Variants in ADAM10 observed in about 807,000 individuals in gnomAD.
ADAM10 encodes the protein ADAM metallopeptidase domain 10.
In ADAM10, 17 loss-of-function variants were observed where a neutral mutation model predicts 90.1. The observed-to-expected ratio is 0.19, with a 90% CI of 0.13 to 0.28. ADAM10 has a LOEUF of 0.28. Ranked by LOEUF, ADAM10 falls within the 10% of genes least tolerant of loss-of-function variation. The probability of loss-of-function intolerance (pLI) is 1.00; values close to 1 mark genes in which losing one functional copy is unlikely to be tolerated. For missense variants in ADAM10, 610 were observed against 914.3 expected (o/e 0.67, Z 4.29); for synonymous variants, 310 against 298.6 (o/e 1.04, Z -0.40).
chr15:58,628,622 G>C (rs1317649706), intron 9 of ADAM10, among the ~76,000 whole-genome samples: 4 of 152,074 alleles, frequency 2.6e-5, no homozygotes, highest in Non-Finnish European at 2.9e-5. Context: ...CCAAGCAACA[G>C]AACACTACTA....
chr15:58,610,783 G>A, intron 13 of ADAM10: 1 of 633,938 alleles, frequency 1.6e-6, no homozygotes, highest in Non-Finnish European at 2.8e-6. Flanking sequence ...CTGCTGTAAA[G>A]CTGGCAACGT....
intron 2 of ADAM10, among the ~76,000 whole-genome samples, chr15:58,688,778 ATATATATATC>A (rs1485145399): frequency 1.1e-4 from 14 of 132,152 alleles, no homozygotes; most frequent in African/African-American, 4.3e-4. Context: ...ATATATATAT[ATATATATATC>A]TCTCTCTCTC....
intron 11 of ADAM10, among the ~76,000 whole-genome samples, chr15:58,620,187 C>T (rs1174224046): frequency 4.6e-5 from 7 of 152,026 alleles, no homozygotes; most frequent in Non-Finnish European, 1.0e-4. Flanking sequence ...TTGAACTGGC[C>T]GGGTGCGGTG....
chr15:58,683,415 C>A (rs889637874), intron 2 of ADAM10, among the ~76,000 whole-genome samples: 9 of 152,092 alleles, frequency 5.9e-5, no homozygotes, highest in African/African-American at 1.9e-4. Context: ...TAAGTTGGTA[C>A]AATCTCTATG....
rs1247117926 is a variant in ADAM10 at position 58,640,932 on chromosome 15, G to A, written c.857C>T (p.Pro286Leu). 1.2e-6 allele frequency: 2 copies of A among 1,614,012 alleles called. No individual in the cohort carries two copies. Among genetic ancestry groups the A allele is most frequent in the Non-Finnish European group, 1.7e-6 (2 of 1,179,944 alleles). The change falls in exon 8 of 16, where the codon CCT (proline) becomes CTT (leucine). Residue 286 changes from proline (P) to leucine (L), a missense_variant. Physicochemically the swap from Pro to Leu is moderately conservative, Grantham distance 98. Transcript: ENST00000260408. ...RINTTADEKD[P>L]TNPFRFPNIG... is the part of the protein sequence containing the mutation. ...ATTTGGGAAACGGAAAGGATTTGTA[G>A]GGTCCTTCTCATCAGCAGTTGTATT... is the stretch of plus-strand genomic sequence containing the variant.
chr15:58,692,430 ATCC>A (rs1897848160), intron 2 of ADAM10: 1 of 549,284 alleles, frequency 1.8e-6, no homozygotes, highest in African/African-American at 1.9e-5. Flanking sequence ...TATCAGTGTC[ATCC>A]TCCTCATCGG....
At chr15:58,712,165 T>C (rs1234165072) in intron 2 of ADAM10, among the ~76,000 whole-genome samples, 2 of 152,120 alleles carry the variant, frequency 1.3e-5, no homozygotes, top group African/African-American at 2.4e-5. Flanking sequence ...CAACATGTTA[T>C]ATAGAATCAA....
intron 1 of ADAM10, chr15:58,749,020 C>T: frequency 5.0e-6 from 2 of 399,256 alleles, no homozygotes; most frequent in Non-Finnish European, 8.8e-6. Flanking sequence ...ACTTCGGAAT[C>T]CGCCACCGGG....
chr15:58,599,472 C>T, intron 15 of ADAM10, 126 bp downstream of exon 15: 2 of 1,171,524 alleles, frequency 1.7e-6, no homozygotes, highest in Non-Finnish European at 2.5e-6. Context: ...AATCATTCAT[C>T]CAATAATCCC....
chr15:58,731,137 TATTCATGGGTTCTGC>T (rs1278631140), intron 1 of ADAM10, among the ~76,000 whole-genome samples: 1 of 152,154 alleles, frequency 6.6e-6, no homozygotes, highest in Non-Finnish European at 1.5e-5. Context: ...CAGTCCTCTG[TATTCATGGGTTCTGC>T]ATTAGTGGAA....
chr15:58,617,265 A>G (rs1175810364), intron 11 of ADAM10, among the ~76,000 whole-genome samples: 1 of 152,146 alleles, frequency 6.6e-6, no homozygotes, highest in African/African-American at 2.4e-5. Context: ...CTGATACCAC[A>G]AAAATACAAA....
chr15:58,647,543 G>A (rs1442141279), intron 5 of ADAM10, among the ~76,000 whole-genome samples: 2 of 150,796 alleles, frequency 1.3e-5, no homozygotes, highest in Admixed American at 6.6e-5. Flanking sequence ...GGATTACAGA[G>A]CCACCACCCC....
At chr15:58,694,968 T>G (rs1222416528) in intron 2 of ADAM10, among the ~76,000 whole-genome samples, 1 of 152,216 alleles carries the variant, frequency 6.6e-6, no homozygotes, top group Non-Finnish European at 1.5e-5. Flanking sequence ...TCAATGGCAG[T>G]TGCCTAAGTA....
chr15:58,735,795 C>T (rs754063029), intron 1 of ADAM10, among the ~76,000 whole-genome samples: 2 of 152,078 alleles, frequency 1.3e-5, no homozygotes, highest in Non-Finnish European at 2.9e-5. Context: ...CACAGAAGTG[C>T]GTTATGAATC....
chr15:58,731,693 A>T (rs1167854908), intron 1 of ADAM10, among the ~76,000 whole-genome samples: 1 of 152,134 alleles, frequency 6.6e-6, no homozygotes, highest in Non-Finnish European at 1.5e-5. Context: ...AGAAGGCAAC[A>T]AGCACCCTGA....
intron 5 of ADAM10, 65 bp from the exon 6 acceptor site, chr15:58,646,269 G>A: frequency 6.8e-7 from 1 of 1,469,414 alleles, no homozygotes; most frequent in South Asian, 1.2e-5. Context: ...ATCTAATTAA[G>A]AATACATACT....
At position 58,624,803 on chromosome 15, in the gene ADAM10, G is replaced by A. The variant is rs1020802341; in HGVS notation, c.1360+2897C>T. Among the ~76,000 whole-genome samples, 14 of 152,234 alleles carry A rather than the reference G, an allele frequency of 9.2e-5. No individual in the cohort carries two copies. The South Asian group carries it at 1.0e-3, about 11-fold the overall frequency. ...CTGTCTTGGCCTCCCAAAGTGCTGCGATTACAGGCATGAGCCACTCTGTCT... is the reference window on the plus strand; with the variant it reads ...CTGTCTTGGCCTCCCAAAGTGCTGCAATTACAGGCATGAGCCACTCTGTCT... On this transcript the variant is annotated intron_variant, in intron 10 of 15. Coordinates refer to ENST00000260408, the MANE Select transcript of ADAM10 (RefSeq NM_001110.4).
At chr15:58,738,681 C>T (rs1336065280) in intron 1 of ADAM10, among the ~76,000 whole-genome samples, 19 of 152,014 alleles carry the variant, frequency 1.2e-4, no homozygotes, top group Non-Finnish European at 2.5e-4. Context: ...GCTGAAAACA[C>T]GAATGATTAA....
At chr15:58,691,777 G>A (rs1897815273) in intron 2 of ADAM10, 2 of 345,076 alleles carry the variant, frequency 5.8e-6, no homozygotes, top group Non-Finnish European at 1.1e-5. Flanking sequence ...CCGCCTCCCA[G>A]GTTCAAGCAA....
Sources: allele counts gnomAD v4.1 joint callset (sites outside exome capture counted in the v4.1 genomes callset), GRCh38; gene constraint gnomAD v4.1.1; transcripts MANE v1.5; gene names NCBI Gene and HGNC (gene_info 2026-07-23, HGNC 2026-07-21).